The following MARCHF1 variants were observed in gnomAD, a reference collection of about 807,000 sequenced individuals.
MARCHF1 encodes the protein membrane associated ring-CH-type finger 1, also known as E3 ubiquitin-protein ligase MARCHF1.
Under a neutral mutation model 54.2 loss-of-function variants are expected in MARCHF1, and 40 were observed. The ratio of observed to expected loss-of-function variants is 0.74; its 90% CI spans 0.57 to 0.96. The LOEUF (loss-of-function observed/expected upper bound fraction) is 0.96. Ranked by LOEUF, MARCHF1 falls within the 40% of genes least tolerant of loss-of-function variation. The pLI is 0.00. For synonymous variants in MARCHF1, 236 were observed against 236.3 expected, an observed-to-expected ratio of 1.00 and a Z score of 0.01; for missense variants, 586 against 656.5, an observed-to-expected ratio of 0.89 and a Z score of 1.17.
At chr4:164,215,054 C>T (rs925391026) in intron 1 of MARCHF1, among the ~76,000 whole-genome samples, 3 of 152,304 alleles carry the variant, frequency 2.0e-5, no homozygotes, top group African/African-American at 4.8e-5. Context: ...TTTAGCCGTC[C>T]GTAGTCGGCT....
At chr4:163,708,604 G>C (rs1745017096) in intron 4 of MARCHF1, among the ~76,000 whole-genome samples, 1 of 152,080 alleles carries the variant, frequency 6.6e-6, no homozygotes, top group African/African-American at 2.4e-5. Flanking sequence ...AAAATAAGAA[G>C]TGATAAAATA....
At chr4:164,069,501 C>T (rs56382915) in intron 2 of MARCHF1, among the ~76,000 whole-genome samples, 99,859 of 151,890 alleles carry the variant, frequency 0.66, 34,596 homozygotes, top group Non-Finnish European at 0.78. Context: ...ACCACGAACC[C>T]ACTGGGAGGA....
chr4:164,317,880 A>G (rs1168657426), intron 1 of MARCHF1, among the ~76,000 whole-genome samples: 1 of 152,084 alleles, frequency 6.6e-6, no homozygotes, highest in African/African-American at 2.4e-5. Flanking sequence ...TATTTGTCAT[A>G]CTCAATGTGA....
At chr4:163,550,172 C>T (rs1297399571) in intron 8 of MARCHF1, among the ~76,000 whole-genome samples, 1 of 151,306 alleles carries the variant, frequency 6.6e-6, no homozygotes, top group East Asian at 2.0e-4. Flanking sequence ...GTCCCAGCTA[C>T]TCGGAAGGCT....
intron 1 of MARCHF1, among the ~76,000 whole-genome samples, chr4:164,245,067 C>T (rs1273866936): frequency 2.6e-5 from 4 of 152,120 alleles, no homozygotes; most frequent in African/African-American, 9.7e-5. Flanking sequence ...GAAACTATTC[C>T]AATCAATAGA....
intron 4 of MARCHF1, among the ~76,000 whole-genome samples, chr4:163,846,989 A>G (rs1383361433): frequency 6.6e-6 from 1 of 152,182 alleles, no homozygotes; most frequent in Non-Finnish European, 1.5e-5. Context: ...ATGAAATAAC[A>G]AAGAATGGGA....
chr4:163,944,240 C>T (rs2110761547), intron 3 of MARCHF1, among the ~76,000 whole-genome samples: 1 of 151,752 alleles, frequency 6.6e-6, no homozygotes, highest in East Asian at 1.9e-4. Context: ...CCTCAGCCTC[C>T]CAAAGTGCTG....
intron 5 of MARCHF1, among the ~76,000 whole-genome samples, chr4:163,630,403 G>A (rs1014265958): frequency 4.6e-5 from 7 of 152,126 alleles, no homozygotes; most frequent in African/African-American, 7.2e-5. Flanking sequence ...GCAGATTAGC[G>A]GTTGCTGAGG....
At chr4:163,883,016 A>C (rs1750450248) in intron 3 of MARCHF1, among the ~76,000 whole-genome samples, 1 of 152,120 alleles carries the variant, frequency 6.6e-6, no homozygotes, top group South Asian at 2.1e-4. Flanking sequence ...TTTACATTTC[A>C]GAGGAGATGA....
intron 3 of MARCHF1, chr4:163,933,090 G>T: frequency 6.9e-7 from 1 of 1,452,052 alleles, no homozygotes; most frequent in Non-Finnish European, 9.4e-7. Flanking sequence ...CTGCACGCTG[G>T]CTAAAACGGC....
intron 2 of MARCHF1, among the ~76,000 whole-genome samples, chr4:164,073,416 T>C (rs1280925567): frequency 6.6e-6 from 1 of 152,102 alleles, no homozygotes; most frequent in Non-Finnish European, 1.5e-5. Context: ...AAACACTGCA[T>C]GTTCTCACTC....
chr4:163,802,720 T>C (rs1329177368), intron 4 of MARCHF1, among the ~76,000 whole-genome samples: 1 of 152,212 alleles, frequency 6.6e-6, no homozygotes, highest in African/African-American at 2.4e-5. Context: ...CTCTGTAACT[T>C]TGCACATATT....
At chr4:164,289,600 A>C (rs867796437) in intron 1 of MARCHF1, among the ~76,000 whole-genome samples, 71 of 151,770 alleles carry the variant, frequency 4.7e-4, no homozygotes, top group African/African-American at 1.7e-3. Flanking sequence ...AAAAAAAAAA[A>C]AAAAACCTGT....
intron 1 of MARCHF1, among the ~76,000 whole-genome samples, chr4:164,258,951 A>G (rs1296566870): frequency 6.6e-6 from 1 of 152,204 alleles, no homozygotes; most frequent in African/African-American, 2.4e-5. Context: ...AACATATATT[A>G]TAGTAATTGA....
intron 5 of MARCHF1, among the ~76,000 whole-genome samples, chr4:163,682,086 G>T (rs901741560): frequency 6.6e-6 from 1 of 152,190 alleles, no homozygotes. Flanking sequence ...GTCTCAGATG[G>T]AGATGAGGAA....
chr4:163,708,214 G>A (rs897247489), intron 4 of MARCHF1, among the ~76,000 whole-genome samples: 1 of 151,446 alleles, frequency 6.6e-6, no homozygotes, highest in Admixed American at 6.6e-5. Context: ...AGAAGTTTGA[G>A]TTCCAGTTCT....
chr4:163,937,788 T>C (rs894597638), intron 3 of MARCHF1, among the ~76,000 whole-genome samples: 1 of 152,184 alleles, frequency 6.6e-6, no homozygotes, highest in Non-Finnish European at 1.5e-5. Context: ...TATTGTGTCT[T>C]CTGCTGAAAG....
chr4:164,245,401 G>C (rs1193392241), intron 1 of MARCHF1, among the ~76,000 whole-genome samples: 1 of 152,280 alleles, frequency 6.6e-6, no homozygotes, highest in Non-Finnish European at 1.5e-5. Flanking sequence ...ATTCAACGAT[G>C]CTTCATGCTA....
In MARCHF1 at chr4:163,656,000, G is replaced by A. The variant is rs573380582; in HGVS notation, c.163-42607C>T. Among the ~76,000 whole-genome samples, 5 of 151,784 alleles carry A rather than the reference G, an allele frequency of 3.3e-5. No individual in the cohort carries two copies. The East Asian group carries it at 9.7e-4, about 30-fold the overall frequency. ...CCTGACATCACAACTGAAAAAACTA[G>A]AGAATCAAAAGCAAACAAACCCCAA... is the stretch of plus-strand genomic sequence containing the variant. On this transcript the variant is annotated intron_variant, in intron 5 of 9. Transcript: ENST00000514618.
Sources: allele counts gnomAD v4.1 joint callset (sites outside exome capture counted in the v4.1 genomes callset), GRCh38; gene constraint gnomAD v4.1.1; transcripts MANE v1.5; gene names NCBI Gene and HGNC (gene_info 2026-07-23, HGNC 2026-07-21).